ATG16L2: variants seen among roughly 807,000 people sequenced by gnomAD.
The protein encoded by ATG16L2 is autophagy related 16 like 2.
In ATG16L2, 77 loss-of-function variants were observed where a neutral mutation model predicts 84.7. That is an observed-to-expected ratio of 0.91 (90% CI 0.76 to 1.10). The LOEUF (loss-of-function observed/expected upper bound fraction) is 1.10, where lower values mean the gene tolerates loss of function less well. Ranked by LOEUF, ATG16L2 falls within the 50% of genes least tolerant of loss-of-function variation. The pLI, the probability that ATG16L2 is intolerant of heterozygous loss-of-function variation, is 0.00. For missense variants in ATG16L2, 782 were observed against 817.6 expected, an observed-to-expected ratio of 0.96 and a Z score of 0.53; for synonymous variants, 361 against 342.8, an observed-to-expected ratio of 1.05 and a Z score of -0.59.
intron 17 of ATG16L2, 70 bp from the exon 18 acceptor site, chr11:72,829,233 G>GTC: frequency 6.5e-7 from 1 of 1,540,954 alleles, no homozygotes; most frequent in South Asian, 1.2e-5. Flanking sequence ...AGGTCCAGCA[G>GTC]TCGGGGCAGA....
chr11:72,826,764 A>G lies in ATG16L2; in HGVS notation c.1307A>G (p.Gln436Arg). Residue 436 changes from glutamine (Q) to arginine (R), a missense_variant, in exon 13 of 18, where the codon CAG (glutamine) becomes CGG (arginine). Coordinates refer to ENST00000321297, the MANE Select transcript of ATG16L2 (RefSeq NM_033388.2). ...TAAKFKLTRH[Q>R]AVTGSRDRTV... Reference sequence around the variant, plus strand: ...GCCAAATTCAAGCTAACGAGGCACCAGGCAGTGACTGGGAGCCGCGACCGG... The same window carrying G: ...GCCAAATTCAAGCTAACGAGGCACCGGGCAGTGACTGGGAGCCGCGACCGG... 6.2e-7 allele frequency: 1 copy of G among 1,614,132 alleles called. No individual in the cohort carries two copies.
chr11:72,836,044 G>A (rs997838805), intron 5 of ATG16L2, among the ~76,000 whole-genome samples: 4 of 152,308 alleles, frequency 2.6e-5, no homozygotes, highest in African/African-American at 7.2e-5. Flanking sequence ...CACTGCGCCC[G>A]GCTGAACACA....
chr11:72,824,053 G>A lies in ATG16L2; in HGVS notation c.825-7G>A. On this transcript the variant is annotated splice_polypyrimidine_tract_variant and splice_region_variant and intron_variant, in intron 7 of 17. Coordinates refer to ENST00000321297, the MANE Select transcript of ATG16L2 (RefSeq NM_033388.2). ...CCCTTAGCATATCTCTCTTGGTTTT[G>A]TCTCAGGTCTGCCTCAGCCACCTCC... 1 of 1,614,232 alleles carries A rather than the reference G, an allele frequency of 6.2e-7. No homozygotes were observed. Among genetic ancestry groups the A allele is most frequent in the Non-Finnish European group, 8.5e-7 (1 of 1,180,032 alleles).
Position 72,828,360 on chromosome 11 carries a change from G to A in ATG16L2, c.1474G>A (p.Gly492Arg), listed in dbSNP as rs113430241. The A allele has an allele frequency of 6.2e-7, 1 of 1,613,998 alleles. No homozygotes were observed. Among genetic ancestry groups the A allele is most frequent in the African/African-American group, 1.3e-5 (1 of 75,046 alleles). The change falls in exon 15 of 18, where the codon GGG (glycine) becomes AGG (arginine). Residue 492 changes from glycine (G) to arginine (R), a missense_variant and splice_region_variant. Transcript: ENST00000321297. ...CCTGTCTCTGTCCTTGTTCCTCAGG[G>A]GGCCCCACTGCACCCAGGTCATCCC... ...DQKIRFWDSR[G>R]PHCTQVIPVQ...
At chr11:72,815,593 T>C (rs963686199) in intron 1 of ATG16L2, among the ~76,000 whole-genome samples, 1 of 151,126 alleles carries the variant, frequency 6.6e-6, no homozygotes, top group African/African-American at 2.4e-5. Context: ...AGGGCCAGTC[T>C]TGAAACCTTG....
intron 5 of ATG16L2, chr11:72,841,461 T>C: frequency 6.2e-7 from 1 of 1,610,312 alleles, no homozygotes; most frequent in Non-Finnish European, 8.5e-7. Context: ...TACCGTTTGC[T>C]GAAGGAGACC....
At position 72,817,745 on chromosome 11, in the gene ATG16L2, T is replaced by A; in HGVS notation, c.219-11T>A. ...CGGGGGACATTGAGCACCACTCTGA[T>A]TGGTTGGCAGGGAGGAGTCAGAGCT... On this transcript the variant is annotated splice_polypyrimidine_tract_variant and intron_variant, in intron 2 of 17. Transcript: ENST00000321297. The A allele has an allele frequency of 6.2e-7, 1 of 1,613,298 alleles. No homozygotes were observed. Among genetic ancestry groups the A allele is most frequent in the East Asian group, 2.2e-5 (1 of 44,878 alleles).
In ATG16L2 at chr11:72,828,723, C is replaced by T; in HGVS notation, c.1623-6C>T. 1 of 1,614,094 alleles carries T rather than the reference C, an allele frequency of 6.2e-7. No homozygotes were observed. The highest frequency in any genetic ancestry group is 8.5e-7 in the Non-Finnish European group (1 of 1,179,980). ...CTGTTCTGACCCCAGCCCTGTCTGT[C>T]CTCAGGGCCGATGGCTTCAAGTGTG... On this transcript the variant is annotated splice_polypyrimidine_tract_variant and splice_region_variant and intron_variant, in intron 15 of 17. Transcript: ENST00000321297.
intron 5 of ATG16L2, among the ~76,000 whole-genome samples, chr11:72,834,874 C>A (rs371567047): frequency 7.5e-6 from 1 of 133,388 alleles, no homozygotes; most frequent in Admixed American, 8.0e-5. Context: ...CGTAAGCCAC[C>A]GTGCCCAGCC....
chr11:72,827,164 T>C (rs776040735), intron 13 of ATG16L2, 24 bp from the exon 14 acceptor site: 19 of 1,590,756 alleles, frequency 1.2e-5, no homozygotes, highest in Admixed American at 1.7e-5. Context: ...TCTGAGGCCC[T>C]GGGGTCTGCT....
intron 3 of ATG16L2, among the ~76,000 whole-genome samples, chr11:72,819,885 AC>A (rs2135084765): frequency 6.6e-6 from 1 of 152,038 alleles, no homozygotes; most frequent in East Asian, 1.9e-4. Context: ...AGCTGGGACT[AC>A]AGGCGCCCGC....
intron 2 of ATG16L2, among the ~76,000 whole-genome samples, 177 bp from the exon 3 acceptor site, chr11:72,817,579 G>A (rs1859765215): frequency 1.3e-5 from 2 of 152,252 alleles, no homozygotes; most frequent in Admixed American, 6.5e-5. Context: ...GAGCAGAGGA[G>A]TCATGGACAG....
Position 72,822,356 on chromosome 11 carries a change from G to A in ATG16L2, c.644+61G>A, listed in dbSNP as rs1308569793. 14 of 1,553,124 alleles carry A rather than the reference G, an allele frequency of 9.0e-6. No individual in the cohort carries two copies. The Admixed American group carries it at 2.2e-4, about 24-fold the overall frequency. On this transcript the variant is annotated intron_variant, in intron 5 of 17. Coordinates refer to ENST00000321297, the MANE Select transcript of ATG16L2 (RefSeq NM_033388.2). The surrounding 1 kb of genome is among the most constrained non-coding windows in gnomAD (Gnocchi z 4.2). ...CCCCGCCCCTGCAGGGAGGAGTCGG[G>A]CCTCGCCGGTGTCTGGAAGGGAGGG...
chr11:72,830,430 T>C (rs1005305380), downstream of ATG16L2, among the ~76,000 whole-genome samples: 2 of 152,152 alleles, frequency 1.3e-5, no homozygotes, highest in African/African-American at 4.8e-5. Flanking sequence ...TGGGCCACCT[T>C]CTAGACCTGC....
intron 5 of ATG16L2, chr11:72,836,896 T>A (rs762868683): frequency 1.3e-5 from 2 of 152,586 alleles, no homozygotes; most frequent in Non-Finnish European, 2.9e-5. Flanking sequence ...ATGGAGGGGT[T>A]ATTTTTTAAA....
Position 72,828,350 on chromosome 11 carries a change from G to C in ATG16L2, c.1473-9G>C. On this transcript the variant is annotated splice_polypyrimidine_tract_variant and intron_variant, in intron 14 of 17. Transcript: ENST00000321297. ...GTTCCTCATCCCTGTCTCTGTCCTT[G>C]TTCCTCAGGGGGCCCCACTGCACCC... 1 of 1,613,944 alleles carries C rather than the reference G, an allele frequency of 6.2e-7. No homozygotes were observed. The highest frequency in any genetic ancestry group is 8.5e-7 in the Non-Finnish European group (1 of 1,179,926).
Position 72,840,966 on chromosome 11 carries a change from G to A in ATG16L2, c.*22-1651G>A, listed in dbSNP as rs765459491. On this transcript the variant is annotated intron_variant, in intron 5 of 5. Transcript: ENST00000534905. ...TCAGCATGAAGGCTTTTTTCTAAGG[G>A]AGAAAACCAAAGAAGCTCATTTTAC... 3.3e-5 allele frequency: 53 copies of A among 1,607,750 alleles called. 1 individual carries two copies. The East Asian group carries it at 8.0e-4, about 24-fold the overall frequency.
At chr11:72,829,950 G>A (rs1369875961), downstream of ATG16L2, among the ~76,000 whole-genome samples, 9 of 152,202 alleles carry the variant, frequency 5.9e-5, no homozygotes, top group African/African-American at 2.2e-4. Context: ...GAGCTCTGAG[G>A]AGAGGGCAGG....
At position 72,822,021 on chromosome 11, in the gene ATG16L2, T is replaced by TATCC. The variant is rs750285549; in HGVS notation, c.393-22_393-19dup. On this transcript the variant is annotated intron_variant, in intron 4 of 17. Coordinates refer to ENST00000321297, the MANE Select transcript of ATG16L2 (RefSeq NM_033388.2). This position sits in a 1 kb window ranked among gnomAD's most constrained non-coding sequence, Gnocchi z 4.2. ...GTGACGGGGGAAGCTTGGGACCCGC[T>TATCC]ATCCGCTCTTTCCGTCCTCCAGGCT... 6.7e-7 allele frequency: 1 copy of TATCC among 1,487,434 alleles called. No homozygotes were observed. The highest frequency in any genetic ancestry group is 8.8e-7 in the Non-Finnish European group (1 of 1,133,430). 92.1% of individuals were successfully genotyped at this position (1,487,434 alleles called of 1,614,324 possible). A position where few individuals can be genotyped will look rare whatever the true frequency, so the allele number is the denominator to read the frequency against.
Sources: allele counts gnomAD v4.1 joint callset (sites outside exome capture counted in the v4.1 genomes callset), GRCh38; gene constraint gnomAD v4.1.1; non-coding constraint Gnocchi (gnomAD v3.1); transcripts MANE v1.5; gene names NCBI Gene and HGNC (gene_info 2026-07-23, HGNC 2026-07-21).